RXFP1: variants seen among roughly 807,000 people sequenced by gnomAD.
RXFP1 encodes relaxin family peptide receptor 1, also known as relaxin receptor 1.
RXFP1 carries 73 observed loss-of-function variants against 89.8 expected under a neutral mutation model. That is an observed-to-expected ratio of 0.81 (90% CI 0.67 to 0.99). The LOEUF is 0.99. Among genes scored for constraint, RXFP1 ranks in the 50% least tolerant of loss-of-function variants. The pLI, the probability that RXFP1 is intolerant of heterozygous loss-of-function variation, is 0.00. For synonymous variants in RXFP1, 277 were observed against 305.5 expected (o/e 0.91, Z 0.97); for missense variants, 793 against 895.5 (o/e 0.89, Z 1.46).
chr4:158,645,488 C>T (rs551131700), intron 15 of RXFP1, among the ~76,000 whole-genome samples: 1 of 152,262 alleles, frequency 6.6e-6, no homozygotes. Context: ...ACATGCAGAC[C>T]TATACTTACT....
intron 2 of RXFP1, among the ~76,000 whole-genome samples, chr4:158,577,012 TTTCTTCTTCTTC>T (rs3085268): frequency 6.7e-6 from 1 of 150,240 alleles, no homozygotes; most frequent in African/African-American, 2.4e-5. Context: ...AGGCTGTTCT[TTTCTTCTTCTTC>T]TTCTTCTTCT....
intron 2 of RXFP1, among the ~76,000 whole-genome samples, chr4:158,582,156 T>C (rs1402917962): frequency 1.3e-5 from 2 of 152,174 alleles, no homozygotes; most frequent in East Asian, 3.8e-4. Flanking sequence ...CATTTCAGCA[T>C]GGGGTTGGGT....
chr4:158,545,105 AC>A (rs1357726681), intron 1 of RXFP1, among the ~76,000 whole-genome samples: 1 of 151,132 alleles, frequency 6.6e-6, no homozygotes, highest in African/African-American at 2.4e-5. Flanking sequence ...CCTCTCCAGC[AC>A]CTGTTGTTTC....
chr4:158,537,807 G>A (rs1015513478), intron 1 of RXFP1, among the ~76,000 whole-genome samples: 1 of 152,194 alleles, frequency 6.6e-6, no homozygotes, highest in African/African-American at 2.4e-5. Context: ...ATCTCAAAGA[G>A]TAGTAAGTAT....
chr4:158,572,665 T>A, intron 1 of RXFP1, 33 bp from the exon 2 acceptor site: 2 of 1,608,658 alleles, frequency 1.2e-6, no homozygotes, highest in South Asian at 1.1e-5. Flanking sequence ...ATTAACCACC[T>A]TCAAACTTTG....
intron 3 of RXFP1, among the ~76,000 whole-genome samples, chr4:158,594,790 TA>T (rs1207085472): frequency 1.3e-5 from 2 of 152,154 alleles, no homozygotes; most frequent in African/African-American, 4.8e-5. Context: ...TAGCTAACAA[TA>T]AAAACATTCA....
intron 1 of RXFP1, among the ~76,000 whole-genome samples, chr4:158,568,952 A>G (rs1754446009): frequency 6.6e-6 from 1 of 152,226 alleles, no homozygotes; most frequent in African/African-American, 2.4e-5. Context: ...TCATAATTAT[A>G]AGTATTCTAG....
intron 17 of RXFP1, among the ~76,000 whole-genome samples, chr4:158,649,434 A>G (rs1772194813): frequency 6.6e-6 from 1 of 152,116 alleles, no homozygotes; most frequent in South Asian, 2.1e-4. Flanking sequence ...AGATAATAGA[A>G]GCAAACATTC....
chr4:158,606,985 G>A (rs187208288), intron 5 of RXFP1: 37 of 1,136,436 alleles, frequency 3.3e-5, no homozygotes, highest in Admixed American at 1.4e-4. Context: ...CTGAATGTTC[G>A]CTCATATTGA....
chr4:158,526,937 T>C (rs895461858), intron 1 of RXFP1, among the ~76,000 whole-genome samples: 1 of 152,088 alleles, frequency 6.6e-6, no homozygotes, highest in African/African-American at 2.4e-5. Flanking sequence ...CAACTCCTCC[T>C]CCCATGTTGC....
chr4:158,527,883 C>A (rs868502966), intron 1 of RXFP1, among the ~76,000 whole-genome samples: 2 of 151,946 alleles, frequency 1.3e-5, no homozygotes, highest in African/African-American at 2.4e-5. Flanking sequence ...TTATTCTTAA[C>A]TCACTTTTAA....
At chr4:158,630,958 C>G (rs1767912593) in intron 11 of RXFP1, among the ~76,000 whole-genome samples, 1 of 152,186 alleles carries the variant, frequency 6.6e-6, no homozygotes, top group African/African-American at 2.4e-5. Context: ...ACGTGGGTGA[C>G]TTAATTTGAG....
chr4:158,593,587 G>A, intron 3 of RXFP1, 88 bp downstream of exon 3: 2 of 667,668 alleles, frequency 3.0e-6, no homozygotes, highest in Non-Finnish European at 4.7e-6. Flanking sequence ...AAAAAAGATT[G>A]CATCTCAATC....
chr4:158,611,251 CTG>C (rs1174831363), intron 6 of RXFP1, among the ~76,000 whole-genome samples: 1 of 152,190 alleles, frequency 6.6e-6, no homozygotes, highest in Non-Finnish European at 1.5e-5. Context: ...AGGAATCAAA[CTG>C]TTCGATAGCA....
Position 158,614,190 on chromosome 4 carries a change from C to T in RXFP1, c.680+1828C>T, listed in dbSNP as rs182207798. ...TGGAGCACAGGCAGAGTAGATTTAGCGTAATTCTTGAGGGCCCTAGGATTT... is the reference window on the plus strand; with the variant it reads ...TGGAGCACAGGCAGAGTAGATTTAGTGTAATTCTTGAGGGCCCTAGGATTT... On this transcript the variant is annotated intron_variant, in intron 8 of 17. Transcript: ENST00000307765. Among the ~76,000 whole-genome samples, 1,330 of 152,224 alleles carry T rather than the reference C, an allele frequency of 8.7e-3. 20 individuals carry two copies. Among genetic ancestry groups the T allele is most frequent in the African/African-American group, 0.03 (1,263 of 41,520 alleles).
intron 17 of RXFP1, among the ~76,000 whole-genome samples, chr4:158,650,396 A>G (rs942877015): frequency 1.1e-4 from 16 of 150,378 alleles, no homozygotes; most frequent in African/African-American, 3.7e-4. Context: ...ATATTTTACC[A>G]CAATGAAAAT....
At chr4:158,558,085 C>A (rs951687416) in intron 1 of RXFP1, among the ~76,000 whole-genome samples, 4 of 152,350 alleles carry the variant, frequency 2.6e-5, no homozygotes, top group African/African-American at 9.6e-5. Context: ...ACCTGCATTA[C>A]ATACCATTTT....
chr4:158,562,480 C>T (rs943697523), intron 1 of RXFP1, among the ~76,000 whole-genome samples: 2 of 122,884 alleles, frequency 1.6e-5, no homozygotes, highest in South Asian at 3.1e-4. Flanking sequence ...GCCGAGATCC[C>T]GCCACTGCAC....
intron 3 of RXFP1, among the ~76,000 whole-genome samples, chr4:158,594,948 C>T (rs2150073531): frequency 1.3e-5 from 2 of 152,056 alleles, no homozygotes; most frequent in Middle Eastern, 6.9e-3. Flanking sequence ...ATAACAAATG[C>T]TTAGGTGGTT....
Sources: allele counts gnomAD v4.1 joint callset (sites outside exome capture counted in the v4.1 genomes callset), GRCh38; gene constraint gnomAD v4.1.1; transcripts MANE v1.5; gene names NCBI Gene and HGNC (gene_info 2026-07-23, HGNC 2026-07-21).